Variants in SLC24A4 observed in about 807,000 individuals in gnomAD.
SLC24A4 encodes solute carrier family 24 member 4.
SLC24A4 carries 53 observed loss-of-function variants against 79.0 expected under a neutral mutation model. The observed-to-expected ratio is 0.67, with a 90% confidence interval of 0.54 to 0.84. The LOEUF is 0.84. SLC24A4 is among the 40% of genes least tolerant of loss of function. SLC24A4 has a pLI of 0.00. For synonymous variants in SLC24A4, 323 were observed against 323.8 expected (o/e 1.00, Z 0.03); for missense variants, 731 against 822.0 (o/e 0.89, Z 1.35).
intron 2 of SLC24A4, among the ~76,000 whole-genome samples, chr14:92,362,553 A>G (rs1398258580): frequency 6.6e-6 from 1 of 152,168 alleles, no homozygotes; most frequent in East Asian, 1.9e-4. Context: ...GCTGACACAG[A>G]TGGGCATCCA....
chr14:92,458,962 G>A (rs1450234287), intron 12 of SLC24A4, among the ~76,000 whole-genome samples: 1 of 152,176 alleles, frequency 6.6e-6, no homozygotes, highest in Non-Finnish European at 1.5e-5. Flanking sequence ...CTTGCTGTCT[G>A]GAGAGTTCTA....
At chr14:92,331,784 C>A (rs1336250309) in intron 2 of SLC24A4, among the ~76,000 whole-genome samples, 3 of 152,208 alleles carry the variant, frequency 2.0e-5, no homozygotes, top group Non-Finnish European at 4.4e-5. Context: ...CTCTGCCACT[C>A]CTGAAACAGA....
At chr14:92,445,631 A>G (rs1353930696) in intron 8 of SLC24A4, among the ~76,000 whole-genome samples, 2 of 152,204 alleles carry the variant, frequency 1.3e-5, no homozygotes, top group Non-Finnish European at 2.9e-5. Flanking sequence ...ATAGGCCAAT[A>G]TGGAATGCAG....
intron 2 of SLC24A4, among the ~76,000 whole-genome samples, chr14:92,341,830 T>C (rs1413137647): frequency 6.6e-6 from 1 of 152,208 alleles, no homozygotes; most frequent in Middle Eastern, 3.2e-3. Flanking sequence ...GGTTGCATCT[T>C]TTCGTTCTCT....
At chr14:92,390,290 T>G (rs1168005584) in intron 2 of SLC24A4, among the ~76,000 whole-genome samples, 1 of 151,942 alleles carries the variant, frequency 6.6e-6, no homozygotes, top group Non-Finnish European at 1.5e-5. Context: ...CCACGCCATC[T>G]CGCCTGCATC....
chr14:92,399,241 G>A (rs1889953743), intron 2 of SLC24A4, among the ~76,000 whole-genome samples: 1 of 152,110 alleles, frequency 6.6e-6, no homozygotes, highest in African/African-American at 2.4e-5. Flanking sequence ...ACTCTGTGGG[G>A]TCTGAATTGC....
intron 2 of SLC24A4, among the ~76,000 whole-genome samples, chr14:92,342,357 T>G (rs1007986153): frequency 5.9e-5 from 8 of 135,224 alleles, no homozygotes; most frequent in African/African-American, 2.1e-4. Flanking sequence ...TTCTTCTTTT[T>G]TTCCCCATTT....
At chr14:92,328,552 C>T (rs375874927) in intron 2 of SLC24A4, among the ~76,000 whole-genome samples, 11 of 152,346 alleles carry the variant, frequency 7.2e-5, no homozygotes, top group African/African-American at 2.2e-4. Flanking sequence ...TTTAGTGGCT[C>T]AGTAACTGGC....
intron 2 of SLC24A4, among the ~76,000 whole-genome samples, chr14:92,355,548 T>G (rs1259238462): frequency 6.6e-6 from 1 of 152,258 alleles, no homozygotes; most frequent in Non-Finnish European, 1.5e-5. Context: ...ACTTTTTCAG[T>G]TCGTGCAGAC....
At chr14:92,455,143 C>G (rs1893383318) in intron 11 of SLC24A4, among the ~76,000 whole-genome samples, 1 of 152,172 alleles carries the variant, frequency 6.6e-6, no homozygotes, top group South Asian at 2.1e-4. Flanking sequence ...TGGAAGGCAG[C>G]ATGGAGAGCT....
intron 12 of SLC24A4, among the ~76,000 whole-genome samples, chr14:92,481,078 C>T (rs1179575207): frequency 6.6e-6 from 1 of 152,164 alleles, no homozygotes; most frequent in Non-Finnish European, 1.5e-5. Context: ...GGCATGCCTC[C>T]AACACTCAGG....
chr14:92,428,685 GA>G (rs1318052398), intron 2 of SLC24A4, among the ~76,000 whole-genome samples: 5 of 152,214 alleles, frequency 3.3e-5, no homozygotes, highest in Admixed American at 6.5e-5. Context: ...TGGATGTGGA[GA>G]TTAAAAAGTC....
At chr14:92,342,979 T>A (rs1595139145) in intron 2 of SLC24A4, among the ~76,000 whole-genome samples, 2 of 152,344 alleles carry the variant, frequency 1.3e-5, no homozygotes, top group South Asian at 4.1e-4. Context: ...AATGGGCCTC[T>A]GGCCTGTGTA....
Position 92,381,420 on chromosome 14 carries a change from G to A in SLC24A4, c.242-52492G>A, listed in dbSNP as rs1024980412. On this transcript the variant is annotated intron_variant, in intron 2 of 16. Transcript: ENST00000532405. ...CACGGGGAGGGGAACATCATACCCT[G>A]GGGCCTGTCAGGACGGTGGGGAAAG... is the stretch of plus-strand genomic sequence containing the variant. 2.0e-5 allele frequency among the ~76,000 whole-genome samples: 3 copies of A among 152,244 alleles called. No individual in the cohort carries two copies. The South Asian group carries it at 6.2e-4, about 32-fold the overall frequency.
At position 92,439,390 on chromosome 14, in the gene SLC24A4, C is replaced by T; in HGVS notation, c.374C>T (p.Ser125Phe). The T allele has an allele frequency of 1.2e-6, 2 of 1,612,856 alleles. No individual in the cohort carries two copies. The highest frequency in any genetic ancestry group is 1.7e-4 in the Middle Eastern group (1 of 6,052). ...GTGTGCGATGACTTCTTTGTTCCGT[C>T]TCTAGAGAAGATCTGTGAGGTATGT... ...AIVCDDFFVP[S>F]LEKICERLHL... The change falls in exon 4 of 17, where the codon TCT (serine) becomes TTT (phenylalanine). Residue 125 changes from serine to phenylalanine, a missense_variant. Ser to Phe is a radical substitution (Grantham distance 155). Coordinates refer to ENST00000532405, the MANE Select transcript of SLC24A4 (RefSeq NM_153646.4).
At chr14:92,422,431 G>T (rs1212997528) in intron 2 of SLC24A4, among the ~76,000 whole-genome samples, 1 of 152,244 alleles carries the variant, frequency 6.6e-6, no homozygotes, top group Non-Finnish European at 1.5e-5. Flanking sequence ...GTCAAGTGCT[G>T]TTGAGAGCTG....
intron 9 of SLC24A4, among the ~76,000 whole-genome samples, chr14:92,448,197 T>C (rs1283905264): frequency 6.6e-6 from 1 of 152,098 alleles, no homozygotes; most frequent in East Asian, 1.9e-4. Flanking sequence ...GTGGGAATAG[T>C]GTTGTTTGGG....
intron 2 of SLC24A4, among the ~76,000 whole-genome samples, chr14:92,387,712 A>G (rs998807112): frequency 1.3e-5 from 2 of 152,214 alleles, no homozygotes; most frequent in Admixed American, 6.5e-5. Context: ...CTAACTCCAC[A>G]TTCCTTCCTC....
intron 2 of SLC24A4, among the ~76,000 whole-genome samples, chr14:92,357,127 C>T (rs1438483205): frequency 2.0e-5 from 3 of 152,190 alleles, no homozygotes; most frequent in Admixed American, 2.0e-4. Flanking sequence ...CTTACTCGAG[C>T]TGTGTCACCA....
Sources: allele counts gnomAD v4.1 joint callset (sites outside exome capture counted in the v4.1 genomes callset), GRCh38; gene constraint gnomAD v4.1.1; transcripts MANE v1.5; gene names NCBI Gene and HGNC (gene_info 2026-07-23, HGNC 2026-07-21).